The following EPHA5 variants were observed in gnomAD, a reference collection of about 807,000 sequenced individuals.
EPHA5 encodes EPH receptor A5, also known as ephrin type-A receptor 5.
A neutral mutation model predicts 105.0 loss-of-function variants in EPHA5; 60 were observed. The ratio of observed to expected loss-of-function variants is 0.57; its 90% CI spans 0.46 to 0.71. EPHA5 has a LOEUF of 0.71. Among genes scored for constraint, EPHA5 ranks in the 30% least tolerant of loss-of-function variants. The probability of loss-of-function intolerance (pLI) is 0.00; values close to 1 mark genes in which losing one functional copy is unlikely to be tolerated. For synonymous variants in EPHA5, 513 were observed against 449.1 expected, an observed-to-expected ratio of 1.14 and a Z score of -1.80; for missense variants, 1,218 against 1,274.7, an observed-to-expected ratio of 0.96 and a Z score of 0.68.
chr4:65,484,241 A>G (rs1730660830), intron 5 of EPHA5, among the ~76,000 whole-genome samples: 1 of 152,108 alleles, frequency 6.6e-6, no homozygotes, highest in Non-Finnish European at 1.5e-5. Context: ...TATTGTTCTA[A>G]TGGTCTCTGA....
intron 14 of EPHA5, among the ~76,000 whole-genome samples, chr4:65,336,666 C>T (rs997830212): frequency 3.3e-5 from 5 of 152,074 alleles, no homozygotes; most frequent in Non-Finnish European, 5.9e-5. Context: ...CAAGGTCTGA[C>T]TGTTTATTAT....
At chr4:65,411,584 T>G (rs1237685315) in intron 7 of EPHA5, among the ~76,000 whole-genome samples, 2 of 152,106 alleles carry the variant, frequency 1.3e-5, no homozygotes, top group African/African-American at 4.8e-5. Flanking sequence ...CCAGAACTCT[T>G]TAACTATGAC....
chr4:65,404,535 A>T lies in EPHA5; in HGVS notation c.1688-56T>A, dbSNP rs556704730. On this transcript the variant is annotated intron_variant, in intron 7 of 16. Transcript: ENST00000613740. ...GGTTAAAGTGATCACATGCATTCAA[A>T]ATAAAAGTTGCTTAATAGACAGTAA... The T allele has an allele frequency of 7.3e-6, 11 of 1,509,476 alleles. No homozygotes were observed. The East Asian group carries it at 2.5e-4, about 34-fold the overall frequency. The allele number at this position is 1,509,476 out of a possible 1,614,324, so 93.5% of individuals were successfully genotyped here. A position where few individuals can be genotyped will look rare whatever the true frequency, so the allele number is the denominator to read the frequency against.
At chr4:65,390,840 A>G (rs76321119) in intron 8 of EPHA5, among the ~76,000 whole-genome samples, 1 of 152,192 alleles carries the variant, frequency 6.6e-6, no homozygotes, top group Non-Finnish European at 1.5e-5. Context: ...GGAGAAAAAA[A>G]GTAATGAGAG....
At chr4:65,648,250 T>C (rs1748300399) in intron 1 of EPHA5, among the ~76,000 whole-genome samples, 1 of 152,236 alleles carries the variant, frequency 6.6e-6, no homozygotes, top group South Asian at 2.1e-4. Flanking sequence ...TCTTCAATGA[T>C]TATAACTTTC....
chr4:65,326,063 T>G (rs1720052655), intron 16 of EPHA5, among the ~76,000 whole-genome samples: 1 of 148,784 alleles, frequency 6.7e-6, no homozygotes, highest in Non-Finnish European at 1.5e-5. Context: ...TATATATATA[T>G]TCACACATAT....
chr4:65,476,314 C>A (rs1366343123), intron 5 of EPHA5, among the ~76,000 whole-genome samples: 1 of 151,956 alleles, frequency 6.6e-6, no homozygotes, highest in Non-Finnish European at 1.5e-5. Context: ...TAACACAATA[C>A]ACAAAATTTA....
At chr4:65,326,629 A>G (rs1720105301) in intron 16 of EPHA5, among the ~76,000 whole-genome samples, 1 of 151,320 alleles carries the variant, frequency 6.6e-6, no homozygotes. Context: ...CAGCCAAGAG[A>G]AAAAGGATGA....
rs182924377 is a variant in EPHA5, at chr4:65,575,827, A to C, written c.910+25814T>G. ...TCCTGTCTCTACTAAAAATACAAAAATTAGGCAGGCGTAGTGATGGGCGCC... is the reference window on the plus strand; with the variant it reads ...TCCTGTCTCTACTAAAAATACAAAACTTAGGCAGGCGTAGTGATGGGCGCC... On this transcript the variant is annotated intron_variant, in intron 3 of 16. Transcript: ENST00000613740. Among the ~76,000 whole-genome samples, 45 of 151,490 alleles carry C rather than the reference A, an allele frequency of 3.0e-4. No individual in the cohort carries two copies. The East Asian group carries it at 8.4e-3, about 28-fold the overall frequency.
At chr4:65,459,836 A>G (rs1293821134) in intron 5 of EPHA5, among the ~76,000 whole-genome samples, 1 of 151,872 alleles carries the variant, frequency 6.6e-6, no homozygotes. Flanking sequence ...AATCTAAAAA[A>G]GAAGATAGTT....
At chr4:65,449,348 C>G (rs1036064715) in intron 5 of EPHA5, among the ~76,000 whole-genome samples, 5 of 152,192 alleles carry the variant, frequency 3.3e-5, no homozygotes, top group South Asian at 4.1e-4. Flanking sequence ...AAAAAAAGAG[C>G]CTTTTGCACT....
At chr4:65,450,046 A>G (rs1267292708) in intron 5 of EPHA5, among the ~76,000 whole-genome samples, 1 of 152,204 alleles carries the variant, frequency 6.6e-6, no homozygotes, top group Non-Finnish European at 1.5e-5. Context: ...ATCAACATAG[A>G]TAAACGTTTA....
chr4:65,383,815 G>A (rs1371445576), intron 8 of EPHA5, among the ~76,000 whole-genome samples: 1 of 151,668 alleles, frequency 6.6e-6, no homozygotes, highest in Non-Finnish European at 1.5e-5. Flanking sequence ...GGAAGGTGTG[G>A]TTTTAAAATT....
chr4:65,381,087 G>A (rs1371388057), intron 8 of EPHA5, among the ~76,000 whole-genome samples: 1 of 150,724 alleles, frequency 6.6e-6, no homozygotes, highest in Non-Finnish European at 1.5e-5. Context: ...CTCACAGTCA[G>A]CACTTAGAAA....
chr4:65,403,715 T>G (rs1191279696), intron 8 of EPHA5, among the ~76,000 whole-genome samples: 1 of 152,072 alleles, frequency 6.6e-6, no homozygotes, highest in Non-Finnish European at 1.5e-5. Context: ...TTGTTAAGAC[T>G]TTATCTCTTT....
At chr4:65,453,421 G>C (rs1411037361) in intron 5 of EPHA5, among the ~76,000 whole-genome samples, 1 of 152,124 alleles carries the variant, frequency 6.6e-6, no homozygotes, top group Non-Finnish European at 1.5e-5. Context: ...GGACCAGCTT[G>C]CTCTAAAACA....
intron 3 of EPHA5, among the ~76,000 whole-genome samples, chr4:65,531,029 TTTTA>T (rs1735734347): frequency 7.6e-6 from 1 of 132,100 alleles, no homozygotes; most frequent in African/African-American, 2.8e-5. Flanking sequence ...TTTTTATTTT[TTTTA>T]TTTTTTTATT....
chr4:65,515,025 C>T (rs145658706), intron 3 of EPHA5, among the ~76,000 whole-genome samples: 3 of 152,210 alleles, frequency 2.0e-5, no homozygotes, highest in Non-Finnish European at 2.9e-5. Context: ...TTAGACATCC[C>T]ATTCTCCAAC....
In EPHA5 at chr4:65,668,068, C is replaced by CTA. The variant is rs200701263; in HGVS notation, c.181+1492_181+1493dup. 3.6e-3 allele frequency among the ~76,000 whole-genome samples: 552 copies of CTA among 152,176 alleles called. 3 individuals carry two copies. The highest frequency in any genetic ancestry group is 0.013 in the African/African-American group (539 of 41,490). ...TGTTTGGCTTAAGCATGAGAGATAG[C>CTA]TATATATATGTATATAGATAAATGC... On this transcript the variant is annotated intron_variant, in intron 1 of 16. Transcript: ENST00000613740.
Sources: gnomAD v4.1 joint callset for allele counts (sites outside exome capture counted in the v4.1 genomes callset) on GRCh38, gnomAD v4.1.1 for gene constraint, MANE v1.5 for transcripts, NCBI Gene and HGNC (gene_info 2026-07-23, HGNC 2026-07-21) for gene names.